FSHR: variants seen among roughly 807,000 people sequenced by gnomAD.
FSHR encodes the protein follicle stimulating hormone receptor.
Under a neutral mutation model 52.1 loss-of-function variants are expected in FSHR, and 46 were observed. That is an observed-to-expected ratio of 0.88 (90% CI 0.70 to 1.13). FSHR has a LOEUF of 1.13. FSHR is among the 50% of genes most tolerant of loss of function. The pLI is 0.00. For missense variants in FSHR, 964 were observed against 834.6 expected, an observed-to-expected ratio of 1.16 and a Z score of -1.91; for synonymous variants, 399 against 309.6, an observed-to-expected ratio of 1.29 and a Z score of -3.03.
At chr2:48,992,357 T>C (rs1005053430) in intron 4 of FSHR, among the ~76,000 whole-genome samples, 4 of 152,190 alleles carry the variant, frequency 2.6e-5, no homozygotes, top group African/African-American at 9.7e-5. Context: ...TTCATATCCC[T>C]AGCAACCACT....
intron 4 of FSHR, 118 bp downstream of exon 4, chr2:49,017,371 C>A: frequency 1.3e-6 from 1 of 745,982 alleles, no homozygotes; most frequent in Non-Finnish European, 2.3e-6. Context: ...CACTTCTGCC[C>A]CCCACCACCA....
intron 4 of FSHR, among the ~76,000 whole-genome samples, chr2:49,013,497 T>TATAAATATATATATATATATAA (rs1553333437): frequency 0.01 from 680 of 66,554 alleles, 5 homozygotes; most frequent in African/African-American, 0.024. Context: ...TATATATATA[T>TATAAATATATATATATATATAA]ATAAATATAT....
chr2:48,995,222 C>T (rs1161952597), intron 4 of FSHR, among the ~76,000 whole-genome samples: 1 of 152,006 alleles, frequency 6.6e-6, no homozygotes, highest in Non-Finnish European at 1.5e-5. Flanking sequence ...ACACAGTGTG[C>T]CGGTTTCAGG....
At chr2:49,079,920 G>A (rs755947032) in intron 1 of FSHR, among the ~76,000 whole-genome samples, 5 of 152,110 alleles carry the variant, frequency 3.3e-5, no homozygotes, top group African/African-American at 9.7e-5. Context: ...CTGAACTGTA[G>A]TTTATGTGTA....
intron 8 of FSHR, among the ~76,000 whole-genome samples, chr2:48,977,557 C>T (rs1675047669): frequency 6.6e-6 from 1 of 152,268 alleles, no homozygotes; most frequent in South Asian, 2.1e-4. Flanking sequence ...ACTATCACTT[C>T]ACGTGTTAAA....
intron 1 of FSHR, among the ~76,000 whole-genome samples, chr2:49,153,037 C>T (rs1237622271): frequency 6.6e-6 from 1 of 152,190 alleles, no homozygotes; most frequent in Non-Finnish European, 1.5e-5. Flanking sequence ...AGTTATTTTC[C>T]CTGCCTCTGC....
At chr2:49,087,098 TACAAAG>T (rs1670429706) in intron 1 of FSHR, among the ~76,000 whole-genome samples, 1 of 146,958 alleles carries the variant, frequency 6.8e-6, no homozygotes, top group Non-Finnish European at 1.5e-5. Context: ...TTTTTTTTTT[TACAAAG>T]CTACTTCTAT....
At chr2:49,148,849 TAAAG>T (rs1672961551) in intron 1 of FSHR, among the ~76,000 whole-genome samples, 1 of 151,882 alleles carries the variant, frequency 6.6e-6, no homozygotes. Flanking sequence ...TGTTGGAGAA[TAAAG>T]AGAGGTAAAG....
At chr2:49,040,998 A>G (rs974720911) in intron 2 of FSHR, among the ~76,000 whole-genome samples, 3 of 152,288 alleles carry the variant, frequency 2.0e-5, no homozygotes, top group African/African-American at 7.2e-5. Flanking sequence ...TTGTCGGTCT[A>G]TGATACTATT....
At chr2:48,997,050 A>G (rs1676055372) in intron 4 of FSHR, 1 of 159,622 alleles carries the variant, frequency 6.3e-6, no homozygotes, top group Non-Finnish European at 1.3e-5. Flanking sequence ...GTATAGTATC[A>G]CAGAATCGTG....
At chr2:49,100,033 A>G (rs896591285) in intron 1 of FSHR, among the ~76,000 whole-genome samples, 1 of 152,158 alleles carries the variant, frequency 6.6e-6, no homozygotes, top group African/African-American at 2.4e-5. Flanking sequence ...AATAATGGTA[A>G]TAGCTCACTT....
intron 2 of FSHR, among the ~76,000 whole-genome samples, chr2:49,023,168 T>C (rs1488126835): frequency 6.6e-6 from 1 of 152,210 alleles, no homozygotes; most frequent in East Asian, 1.9e-4. Flanking sequence ...TCCTTTACTC[T>C]ACCAGCACTG....
chr2:49,076,816 C>A (rs1214897946), intron 1 of FSHR, among the ~76,000 whole-genome samples: 1 of 152,172 alleles, frequency 6.6e-6, no homozygotes, highest in East Asian at 1.9e-4. Context: ...TTTTGGCCAA[C>A]CGATGCAGGG....
At chr2:49,113,062 G>A (rs1671479245) in intron 1 of FSHR, among the ~76,000 whole-genome samples, 1 of 152,262 alleles carries the variant, frequency 6.6e-6, no homozygotes, top group Non-Finnish European at 1.5e-5. Flanking sequence ...CAGGCAGGAT[G>A]GGAGCCAGGG....
chr2:49,114,128 C>G (rs888454510), intron 1 of FSHR, among the ~76,000 whole-genome samples: 2 of 152,144 alleles, frequency 1.3e-5, no homozygotes, highest in Non-Finnish European at 2.9e-5. Context: ...TCCCCTCCTT[C>G]GTTACCACAG....
At chr2:49,068,534 A>C (rs1274430693) in intron 1 of FSHR, among the ~76,000 whole-genome samples, 2 of 152,060 alleles carry the variant, frequency 1.3e-5, no homozygotes, top group Admixed American at 6.6e-5. Flanking sequence ...CCAGGGTCAC[A>C]TGGCTGATAC....
chr2:48,977,559 C>T (rs976541897), intron 8 of FSHR, among the ~76,000 whole-genome samples: 2 of 152,134 alleles, frequency 1.3e-5, no homozygotes, highest in Non-Finnish European at 2.9e-5. Flanking sequence ...TATCACTTCA[C>T]GTGTTAAAAG....
Position 49,145,110 on chromosome 2 carries a change from C to A in FSHR, c.152+9156G>T, listed in dbSNP as rs531322413. Among the ~76,000 whole-genome samples the A allele has an allele frequency of 2.6e-5, 4 of 152,088 alleles. No homozygotes were observed. The South Asian group carries it at 8.3e-4, about 32-fold the overall frequency. On this transcript the variant is annotated intron_variant, in intron 1 of 9. Coordinates refer to ENST00000406846, the MANE Select transcript of FSHR (RefSeq NM_000145.4). ...GACGGGTAAACTTTTACCCAACAGG[C>A]ATAAAATAGTATTTATCAATACAAG... is the stretch of plus-strand genomic sequence containing the variant.
chr2:48,986,433 C>T (rs1675519962), intron 6 of FSHR, among the ~76,000 whole-genome samples: 1 of 149,016 alleles, frequency 6.7e-6, no homozygotes, highest in Middle Eastern at 3.5e-3. Context: ...CAAATGTCCC[C>T]ATGGGAAGAA....
Sources: allele counts gnomAD v4.1 joint callset (sites outside exome capture counted in the v4.1 genomes callset), GRCh38; gene constraint gnomAD v4.1.1; transcripts MANE v1.5; gene names NCBI Gene and HGNC (gene_info 2026-07-23, HGNC 2026-07-21).